HS3ST5: variants seen among roughly 807,000 people sequenced by gnomAD.
HS3ST5 encodes the protein heparan sulfate glucosamine 3-O-sulfotransferase 5.
In HS3ST5, 10 loss-of-function variants were observed where a neutral mutation model predicts 25.4. The observed-to-expected ratio is 0.39, with a 90% CI of 0.24 to 0.67. The LOEUF (loss-of-function observed/expected upper bound fraction) is 0.67, where lower values mean the gene tolerates loss of function less well. Among genes scored for constraint, HS3ST5 ranks in the 30% least tolerant of loss-of-function variants. The pLI is 0.44. For missense variants in HS3ST5, 324 were observed against 420.7 expected, an observed-to-expected ratio of 0.77 and a Z score of 2.01; for synonymous variants, 170 against 162.4, an observed-to-expected ratio of 1.05 and a Z score of -0.36.
intron 1 of HS3ST5, among the ~76,000 whole-genome samples, chr6:114,329,636 A>G (rs994747019): frequency 6.6e-6 from 1 of 152,200 alleles, no homozygotes; most frequent in Non-Finnish European, 1.5e-5. Flanking sequence ...CAACAAAAAC[A>G]AAGTAAGCAC....
At chr6:114,113,806 G>T (rs921642397) in intron 3 of HS3ST5, among the ~76,000 whole-genome samples, 1 of 151,680 alleles carries the variant, frequency 6.6e-6, no homozygotes, top group Non-Finnish European at 1.5e-5. Flanking sequence ...GTTGAAGAAA[G>T]ATTTGGGCAA....
intron 1 of HS3ST5, among the ~76,000 whole-genome samples, chr6:114,301,063 T>C (rs1466866705): frequency 1.3e-5 from 2 of 152,038 alleles, no homozygotes; most frequent in Middle Eastern, 3.2e-3. Context: ...ATGAAGAAAA[T>C]GTTCTAGAAT....
chr6:114,232,230 A>G (rs1771632710), intron 1 of HS3ST5, among the ~76,000 whole-genome samples: 1 of 152,104 alleles, frequency 6.6e-6, no homozygotes, highest in South Asian at 2.1e-4. Flanking sequence ...CTAAATCGAA[A>G]CCACTTTATT....
intron 4 of HS3ST5, chr6:114,059,661 C>G (rs917313537): frequency 6.6e-6 from 1 of 152,334 alleles, no homozygotes; most frequent in Non-Finnish European, 1.5e-5. Context: ...CAAGCTCCCT[C>G]TCTCTCCTGC....
chr6:114,058,348 G>C (rs554058227), intron 4 of HS3ST5, among the ~76,000 whole-genome samples, 158 bp from the exon 5 acceptor site: 1 of 152,300 alleles, frequency 6.6e-6, no homozygotes, highest in South Asian at 2.1e-4. Flanking sequence ...TTTATTTTAA[G>C]CAACCATGTA....
chr6:114,086,070 G>A (rs1232847223), intron 3 of HS3ST5, among the ~76,000 whole-genome samples: 2 of 151,498 alleles, frequency 1.3e-5, no homozygotes, highest in Non-Finnish European at 2.9e-5. Flanking sequence ...GAAAAAAAAC[G>A]GTTCTATTTG....
intron 1 of HS3ST5, among the ~76,000 whole-genome samples, chr6:114,267,598 A>G (rs1263962740): frequency 6.8e-6 from 1 of 147,458 alleles, no homozygotes; most frequent in Non-Finnish European, 1.5e-5. Flanking sequence ...GAGTTGGAGT[A>G]CTTACTTCTT....
chr6:114,253,555 G>A (rs1202229731), intron 1 of HS3ST5, among the ~76,000 whole-genome samples: 2 of 152,110 alleles, frequency 1.3e-5, no homozygotes, highest in Non-Finnish European at 2.9e-5. Flanking sequence ...CCCAACACTG[G>A]GAAAAAGAAA....
intron 3 of HS3ST5, among the ~76,000 whole-genome samples, chr6:114,122,752 G>A (rs1046062795): frequency 6.6e-6 from 1 of 152,238 alleles, no homozygotes; most frequent in Non-Finnish European, 1.5e-5. Context: ...TGTGTTATAG[G>A]TAAAGTGTGA....
chr6:114,277,025 C>T (rs183880759), intron 1 of HS3ST5, among the ~76,000 whole-genome samples: 20 of 152,044 alleles, frequency 1.3e-4, no homozygotes, highest in Non-Finnish European at 2.4e-4. Flanking sequence ...TATGACTTTT[C>T]AGCTTTACCC....
intron 3 of HS3ST5, chr6:114,084,739 C>T: frequency 3.4e-6 from 3 of 870,312 alleles, no homozygotes; most frequent in East Asian, 4.8e-5. Context: ...AGGTTCCAGG[C>T]GTGAAGAGGC....
chr6:114,309,066 TAC>T (rs1419960639), intron 1 of HS3ST5, among the ~76,000 whole-genome samples: 1 of 152,154 alleles, frequency 6.6e-6, no homozygotes, highest in Non-Finnish European at 1.5e-5. Context: ...TAATATAAAA[TAC>T]AGAGTCACAC....
chr6:114,239,616 T>C (rs896240936), intron 1 of HS3ST5, among the ~76,000 whole-genome samples: 3 of 152,204 alleles, frequency 2.0e-5, no homozygotes, highest in Admixed American at 6.5e-5. Flanking sequence ...TGTTTTGCCA[T>C]CTATACTTAA....
chr6:114,306,682 A>C (rs866235669), intron 1 of HS3ST5, among the ~76,000 whole-genome samples: 17 of 152,184 alleles, frequency 1.1e-4, no homozygotes, highest in Admixed American at 3.3e-4. Context: ...TGCTATAAAA[A>C]TAGCTATATG....
chr6:114,188,660 A>G (rs1033329339), intron 2 of HS3ST5, among the ~76,000 whole-genome samples: 42 of 152,062 alleles, frequency 2.8e-4, no homozygotes, highest in African/African-American at 9.2e-4. Context: ...AGGTCTTGAA[A>G]TTTTGGCTTT....
chr6:114,068,795 G>A (rs1773617116), intron 3 of HS3ST5, among the ~76,000 whole-genome samples: 1 of 151,972 alleles, frequency 6.6e-6, no homozygotes, highest in South Asian at 2.1e-4. Context: ...TGACATTTAA[G>A]CTCCCCCCAT....
intron 2 of HS3ST5, among the ~76,000 whole-genome samples, chr6:114,182,750 C>A (rs7769345): frequency 6.6e-6 from 1 of 152,004 alleles, no homozygotes; most frequent in African/African-American, 2.4e-5. Flanking sequence ...CCAGTTATAC[C>A]AGCCTGTGAT....
At chr6:114,218,049 G>A (rs762282657) in intron 2 of HS3ST5, among the ~76,000 whole-genome samples, 72 of 152,136 alleles carry the variant, frequency 4.7e-4, no homozygotes, top group Non-Finnish European at 9.0e-4. Context: ...CCAGGCTGGA[G>A]GGCAGTGGCA....
intron 1 of HS3ST5, among the ~76,000 whole-genome samples, chr6:114,283,073 GAGAA>G (rs1218539953): frequency 6.6e-6 from 1 of 151,882 alleles, no homozygotes; most frequent in East Asian, 1.9e-4. Flanking sequence ...GCTACAGGGA[GAGAA>G]AGACAGTAGA....
Sources: allele counts gnomAD v4.1 joint callset (sites outside exome capture counted in the v4.1 genomes callset), GRCh38; gene constraint gnomAD v4.1.1; transcripts MANE v1.5; gene names NCBI Gene and HGNC (gene_info 2026-07-23, HGNC 2026-07-21).